The following SOS2 variants were observed in gnomAD, a reference collection of about 807,000 sequenced individuals.
The protein encoded by SOS2 is SOS Ras/Rho guanine nucleotide exchange factor 2.
Under a neutral mutation model 148.2 loss-of-function variants are expected in SOS2, and 65 were observed. That is an observed-to-expected ratio of 0.44 (90% confidence interval 0.36 to 0.54). The LOEUF is 0.54. SOS2 is among the 20% of genes least tolerant of loss of function. SOS2 has a pLI of 0.00. For synonymous variants in SOS2, 539 were observed against 537.1 expected (o/e 1.00, Z -0.05); for missense variants, 1,341 against 1,590.2 (o/e 0.84, Z 2.67).
At chr14:50,212,250 C>T (rs918968341) in intron 1 of SOS2, among the ~76,000 whole-genome samples, 12 of 152,276 alleles carry the variant, frequency 7.9e-5, no homozygotes, top group Non-Finnish European at 1.3e-4. Context: ...CCAAGGCAGG[C>T]GGATCACAAG....
upstream of SOS2, chr14:50,231,687 C>G (rs982522427): frequency 6.1e-6 from 1 of 163,864 alleles, no homozygotes; most frequent in African/African-American, 2.4e-5. Flanking sequence ...GCAGCGGCGG[C>G]GGCGGCGGCG....
chr14:50,146,208 G>A (rs1391573471), intron 14 of SOS2, among the ~76,000 whole-genome samples: 1 of 150,870 alleles, frequency 6.6e-6, no homozygotes, highest in Non-Finnish European at 1.5e-5. Context: ...TAATAAAACA[G>A]GAACACCAAT....
rs2139893946 is a variant in SOS2 at position 50,231,510 on chromosome 14, C to G, written c.-227G>C. The G allele has an allele frequency of 6.6e-6, 1 of 151,614 alleles. No individual in the cohort carries two copies. The highest frequency in any genetic ancestry group is 6.6e-5 in the Admixed American group (1 of 15,212). 9.4% of individuals were successfully genotyped at this position (151,614 alleles called of 1,614,324 possible). A position where few individuals can be genotyped will look rare whatever the true frequency, so the allele number is the denominator to read the frequency against. On this transcript the variant is annotated 5_prime_UTR_variant, in exon 1 of 23. Coordinates refer to ENST00000216373, the MANE Select transcript of SOS2 (RefSeq NM_006939.4). ...CCTCCCGCAGCGCCCGCAGAGGAAG[C>G]GCGGCGACCCGCAAGCCCGGGCGAC...
chr14:50,172,582 G>A (rs1025934958), intron 8 of SOS2, among the ~76,000 whole-genome samples: 2 of 151,674 alleles, frequency 1.3e-5, no homozygotes, highest in African/African-American at 4.8e-5. Context: ...TGGCCAGACT[G>A]GTCTCAAACT....
intron 22 of SOS2, among the ~76,000 whole-genome samples, chr14:50,119,751 G>A (rs1197208944): frequency 6.8e-6 from 1 of 148,064 alleles, no homozygotes; most frequent in Non-Finnish European, 1.5e-5. Flanking sequence ...GGCCAGGCTG[G>A]TCTTGAACTC....
chr14:50,145,431 T>C lies in SOS2; in HGVS notation c.2504+46A>G, dbSNP rs201740818. On this transcript the variant is annotated intron_variant, in intron 15 of 22. Transcript: ENST00000216373. The stretch of plus-strand genomic sequence containing the variant: ...CCAGAATTTTAGCTTAAATATGACT[T>C]AATATTATGGCTATTAGGAGGTAGT... 1.4e-3 allele frequency: 2,253 copies of C among 1,575,646 alleles called. 2 individuals are homozygous for C. The highest frequency in any genetic ancestry group is 1.1e-3 in the Non-Finnish European group (1,309 of 1,161,866).
At chr14:50,174,964 A>G (rs1419741940) in intron 7 of SOS2, among the ~76,000 whole-genome samples, 1 of 152,262 alleles carries the variant, frequency 6.6e-6, no homozygotes, top group Non-Finnish European at 1.5e-5. Flanking sequence ...TCACTAAACA[A>G]TAATTGAATA....
intron 18 of SOS2, among the ~76,000 whole-genome samples, chr14:50,135,350 T>A (rs1365484322): frequency 6.6e-6 from 1 of 151,340 alleles, no homozygotes; most frequent in African/African-American, 2.4e-5. Flanking sequence ...TCAAAAAATA[T>A]TTTAAGCTTA....
At chr14:50,201,513 G>A (rs1886487036) in intron 2 of SOS2, among the ~76,000 whole-genome samples, 1 of 131,690 alleles carries the variant, frequency 7.6e-6, no homozygotes, top group African/African-American at 2.9e-5. Context: ...CAGCCTGGGT[G>A]AGAGGGAGAC....
chr14:50,223,169 C>G (rs546331640), intron 1 of SOS2, among the ~76,000 whole-genome samples: 1 of 152,210 alleles, frequency 6.6e-6, no homozygotes, highest in Admixed American at 6.5e-5. Flanking sequence ...ATATGTTAAC[C>G]ACTACAAAAG....
At chr14:50,145,861 G>A (rs530329805) in intron 14 of SOS2, among the ~76,000 whole-genome samples, 129 of 152,216 alleles carry the variant, frequency 8.5e-4, no homozygotes, top group Non-Finnish European at 1.4e-3. Context: ...AAGGCCAGGC[G>A]TGGTGGCTCA....
intron 21 of SOS2, among the ~76,000 whole-genome samples, chr14:50,122,635 T>TG (rs1435329416): frequency 6.6e-6 from 1 of 151,686 alleles, no homozygotes; most frequent in Non-Finnish European, 1.5e-5. Context: ...ATGAGAGCTC[T>TG]GAATCTGGGT....
chr14:50,198,822 G>A (rs536131629), intron 4 of SOS2, among the ~76,000 whole-genome samples: 44 of 152,276 alleles, frequency 2.9e-4, no homozygotes, highest in African/African-American at 1.0e-3. Context: ...TTATTTTGCA[G>A]TAAAATAAAT....
At chr14:50,161,761 T>A in intron 8 of SOS2, 152 bp from the exon 9 acceptor site, 1 of 602,274 alleles carries the variant, frequency 1.7e-6, no homozygotes, top group Non-Finnish European at 2.7e-6. Flanking sequence ...ATATACCTAC[T>A]GCCCTCTCAA....
At chr14:50,215,765 C>T (rs1401958027) in intron 1 of SOS2, among the ~76,000 whole-genome samples, 2 of 152,156 alleles carry the variant, frequency 1.3e-5, no homozygotes, top group African/African-American at 2.4e-5. Flanking sequence ...TACTATAAAT[C>T]CATGTGTAGA....
At chr14:50,138,537 C>A in intron 18 of SOS2, 75 bp downstream of exon 18, 1 of 657,360 alleles carries the variant, frequency 1.5e-6, no homozygotes, top group Non-Finnish European at 2.5e-6. Flanking sequence ...AATAGTATGT[C>A]TTATTCATTC....
At position 50,118,652 on chromosome 14, in the gene SOS2, G is replaced by C; in HGVS notation, c.3691C>G (p.Pro1231Ala). 6.2e-7 allele frequency: 1 copy of C among 1,613,976 alleles called. No individual in the cohort carries two copies. ...AGTGGAGGTGGCTGAAGATTAAATG[G>C]ACAGTTTATAAAGTGTTCTGGAGGC... ...LRPPEHFINCPFNLQPPPLGH... is the reference protein window; with the variant it reads ...LRPPEHFINCAFNLQPPPLGH... The change falls in exon 23 of 23, where the codon CCA becomes GCA. Residue 1231 changes from proline to alanine, a missense_variant. Pro to Ala is a conservative substitution (Grantham distance 27, BLOSUM62 -1). Coordinates refer to ENST00000216373, the MANE Select transcript of SOS2 (RefSeq NM_006939.4).
intron 21 of SOS2, among the ~76,000 whole-genome samples, chr14:50,126,662 G>C (rs1229118683): frequency 5.3e-5 from 8 of 151,840 alleles, no homozygotes; most frequent in African/African-American, 1.9e-4. Flanking sequence ...TAGAAGAGCT[G>C]AAAGATAAAG....
chr14:50,159,521 C>T lies in SOS2; in HGVS notation c.1762G>A (p.Asp588Asn), dbSNP rs1420023263. ...KDSEENIVFE[D>N]NLQSRSGIPI... ...ATGCCACTTCTACTTTGCAAGTTGTCTTCAAAAACAATGTTTTCCTCAGAG... is the reference window on the plus strand; with the variant it reads ...ATGCCACTTCTACTTTGCAAGTTGTTTTCAAAAACAATGTTTTCCTCAGAG... The change falls in exon 10 of 23, where the codon GAC becomes AAC. Residue 588 changes from aspartate to asparagine, a missense_variant. Coordinates refer to ENST00000216373, the MANE Select transcript of SOS2 (RefSeq NM_006939.4). 6.2e-7 allele frequency: 1 copy of T among 1,613,490 alleles called. No individual in the cohort carries two copies. The highest frequency in any genetic ancestry group is 2.2e-5 in the East Asian group (1 of 44,860).
Sources: allele counts gnomAD v4.1 joint callset (sites outside exome capture counted in the v4.1 genomes callset), GRCh38; gene constraint gnomAD v4.1.1; transcripts MANE v1.5; gene names NCBI Gene and HGNC (gene_info 2026-07-23, HGNC 2026-07-21).